TTC17: variants seen among roughly 807,000 people sequenced by gnomAD.
TTC17 encodes tetratricopeptide repeat protein 17.
Under a neutral mutation model 143.8 loss-of-function variants are expected in TTC17, and 58 were observed. The ratio of observed to expected loss-of-function variants is 0.40; its 90% CI spans 0.33 to 0.50. The LOEUF is 0.50. Among genes scored for constraint, TTC17 ranks in the 20% least tolerant of loss-of-function variants. The pLI is 0.49. For missense variants in TTC17, 1,273 were observed against 1,392.5 expected, an observed-to-expected ratio of 0.91 and a Z score of 1.37; for synonymous variants, 501 against 497.8, an observed-to-expected ratio of 1.01 and a Z score of -0.09.
chr11:43,374,184 T>C (rs1856676851), intron 1 of TTC17, among the ~76,000 whole-genome samples: 1 of 152,236 alleles, frequency 6.6e-6, no homozygotes, highest in African/African-American at 2.4e-5. Context: ...AAGCACTCCC[T>C]ATTCAATAAA....
intron 16 of TTC17, among the ~76,000 whole-genome samples, chr11:43,442,956 G>C (rs1327444681): frequency 6.6e-6 from 1 of 152,144 alleles, no homozygotes; most frequent in East Asian, 1.9e-4. Context: ...AAACCTTGAA[G>C]AATCCCATAT....
Position 43,397,428 on chromosome 11 carries a change from C to A in TTC17, c.855C>A (p.Val285=), listed in dbSNP as rs1857640492. The A allele has an allele frequency of 2.0e-5, 32 of 1,613,590 alleles. No individual in the cohort carries two copies. The highest frequency in any genetic ancestry group is 2.5e-5 in the Non-Finnish European group (30 of 1,179,988). The change falls in exon 7 of 24, where the codon GTC becomes GTA. Residue 285 remains valine, a synonymous_variant. Coordinates refer to ENST00000039989, the MANE Select transcript of TTC17 (RefSeq NM_018259.6). ...AHFSADAAVV[V]HAALDDSDFF... is the part of the protein sequence containing the mutation. Reference sequence around the variant, plus strand: ...TCTCTGCTGATGCTGCTGTCGTGGTCCATGCAGCTCTGGATGACAGTGACT... The same window carrying A: ...TCTCTGCTGATGCTGCTGTCGTGGTACATGCAGCTCTGGATGACAGTGACT...
chr11:43,444,345 ATCTT>A, intron 18 of TTC17, 136 bp downstream of exon 18: 1 of 758,322 alleles, frequency 1.3e-6, no homozygotes, highest in Non-Finnish European at 1.9e-6. Flanking sequence ...AAACCAGTCT[ATCTT>A]CTGTATCAAT....
chr11:43,383,584 A>G (rs1445380231), intron 2 of TTC17, among the ~76,000 whole-genome samples: 1 of 149,384 alleles, frequency 6.7e-6, no homozygotes, highest in African/African-American at 2.5e-5. Context: ...GGCTGGCCTT[A>G]AACTCCTGAC....
chr11:43,359,333 C>T (rs138975448), intron 1 of TTC17: 23 of 540,326 alleles, frequency 4.3e-5, no homozygotes, highest in Middle Eastern at 5.1e-4. Context: ...AAGTTCTCAC[C>T]CTTCCACCTC....
At chr11:43,442,731 T>C (rs1947450599) in intron 16 of TTC17, among the ~76,000 whole-genome samples, 1 of 152,196 alleles carries the variant, frequency 6.6e-6, no homozygotes, top group South Asian at 2.1e-4. Context: ...GGAGTCTTTA[T>C]GTAAGAGACT....
At chr11:43,418,109 T>G (rs989339959) in intron 16 of TTC17, among the ~76,000 whole-genome samples, 1 of 152,226 alleles carries the variant, frequency 6.6e-6, no homozygotes, top group African/African-American at 2.4e-5. Context: ...CTAAAAAAAT[T>G]TTTTTGTACT....
chr11:43,493,162 G>C (rs1948502331), intron 23 of TTC17, among the ~76,000 whole-genome samples: 1 of 152,142 alleles, frequency 6.6e-6, no homozygotes, highest in Non-Finnish European at 1.5e-5. Flanking sequence ...CAGTAGATTT[G>C]GGCTCTTCTT....
At chr11:43,428,283 G>A (rs1299077958) in intron 16 of TTC17, among the ~76,000 whole-genome samples, 1 of 151,162 alleles carries the variant, frequency 6.6e-6, no homozygotes. Context: ...TCCCTAGGCT[G>A]AAGTAAGCCA....
intron 18 of TTC17, chr11:43,446,324 C>T (rs1032196372): frequency 7.8e-6 from 3 of 383,060 alleles, no homozygotes; most frequent in African/African-American, 2.1e-5. Flanking sequence ...TTACTCTTTC[C>T]TCTGTGCAAT....
chr11:43,360,220 TTAAGTA>T (rs1185658108), intron 1 of TTC17, among the ~76,000 whole-genome samples: 20 of 152,322 alleles, frequency 1.3e-4, no homozygotes, highest in African/African-American at 4.1e-4. Context: ...CTCAAGTAAG[TTAAGTA>T]TAACTAAAAA....
At chr11:43,384,345 G>T (rs1328698456) in intron 2 of TTC17, among the ~76,000 whole-genome samples, 1 of 152,124 alleles carries the variant, frequency 6.6e-6, no homozygotes, top group Non-Finnish European at 1.5e-5. Flanking sequence ...ATGGTTTCTT[G>T]TTTTGGTTTT....
intron 16 of TTC17, among the ~76,000 whole-genome samples, chr11:43,429,388 A>G (rs1947101544): frequency 6.6e-6 from 1 of 152,332 alleles, no homozygotes; most frequent in South Asian, 2.1e-4. Context: ...TCTGGAGGTG[A>G]AAATCATAAA....
At chr11:43,408,145 A>T (rs1489942649) in intron 15 of TTC17, among the ~76,000 whole-genome samples, 1 of 152,192 alleles carries the variant, frequency 6.6e-6, no homozygotes, top group Non-Finnish European at 1.5e-5. Flanking sequence ...ATCAGGATGG[A>T]TGTTATAATT....
In TTC17 at chr11:43,484,418, T is replaced by A. The variant is rs557058362; in HGVS notation, c.3031-5821T>A. Among the ~76,000 whole-genome samples, 19 of 152,294 alleles carry A rather than the reference T, an allele frequency of 1.2e-4. 1 individual carries two copies. In the East Asian group the frequency reaches 3.7e-3, roughly 29 times the overall value. ...CTTACAAAAGTTATCAAGACCTCCG[T>A]GCAGCAAGAGATAAAACTTCTATTA... On this transcript the variant is annotated intron_variant, in intron 21 of 23. Coordinates refer to ENST00000039989, the MANE Select transcript of TTC17 (RefSeq NM_018259.6).
At chr11:43,488,195 T>C (rs1299399295) in intron 21 of TTC17, among the ~76,000 whole-genome samples, 1 of 152,168 alleles carries the variant, frequency 6.6e-6, no homozygotes, top group Non-Finnish European at 1.5e-5. Flanking sequence ...TGACCACTGA[T>C]TATATTCAGC....
At chr11:43,429,907 C>A (rs10501299) in intron 16 of TTC17, among the ~76,000 whole-genome samples, 2 of 152,044 alleles carry the variant, frequency 1.3e-5, no homozygotes, top group Non-Finnish European at 1.5e-5. Flanking sequence ...ATAATATAAG[C>A]CTGTTGGAGC....
intron 6 of TTC17, 114 bp from the exon 7 acceptor site, chr11:43,397,233 T>G: frequency 8.4e-7 from 1 of 1,185,658 alleles, no homozygotes. Context: ...AACACTATGA[T>G]TATCTTATTT....
intron 19 of TTC17, 127 bp from the exon 20 acceptor site, chr11:43,449,948 CAGGGGAT>C: frequency 1.0e-6 from 1 of 988,116 alleles, no homozygotes; most frequent in Non-Finnish European, 1.5e-6. Flanking sequence ...CGTTTAAAAT[CAGGGGAT>C]AGCATGTTGA....
Sources: allele counts gnomAD v4.1 joint callset (sites outside exome capture counted in the v4.1 genomes callset), GRCh38; gene constraint gnomAD v4.1.1; transcripts MANE v1.5; gene names NCBI Gene and HGNC (gene_info 2026-07-23, HGNC 2026-07-21).